The following SPTBN5 variants were observed in gnomAD, a reference collection of about 807,000 sequenced individuals.
SPTBN5 encodes spectrin beta, non-erythrocytic 5, also known as spectrin beta chain, non-erythrocytic 5.
A neutral mutation model predicts 477.6 loss-of-function variants in SPTBN5; 513 were observed. The ratio of observed to expected loss-of-function variants is 1.07; its 90% CI spans 1.00 to 1.16. The LOEUF is 1.16. SPTBN5 is among the 50% of genes most tolerant of loss of function. The probability of loss-of-function intolerance (pLI) is 0.00; values close to 1 mark genes in which losing one functional copy is unlikely to be tolerated. For synonymous variants in SPTBN5, 2,169 were observed against 2,011.7 expected (o/e 1.08, Z -2.09); for missense variants, 5,062 against 4,731.8 (o/e 1.07, Z -2.05).
At chr15:41,856,787 T>G in intron 52 of SPTBN5, 66 bp downstream of exon 52, 1 of 1,463,070 alleles carries the variant, frequency 6.8e-7, no homozygotes, top group African/African-American at 1.4e-5. Flanking sequence ...CCACAGAGAG[T>G]GCCATTTCCT....
Position 41,858,694 on chromosome 15 carries a change from C to T in SPTBN5, c.8134G>A (p.Asp2712Asn), listed in dbSNP as rs1010862673. ...NLVALEEGLL[D>N]TAMLPAQLQK... ...AACTGTGCTGGCAGCATGGCTGTGT[C>T]CAGCAAACCCTCCTCCAAGGCCACC... Residue 2712 changes from aspartate to asparagine, a missense_variant, in exon 49 of 68, where the codon GAC (aspartate) becomes AAC (asparagine). Physicochemically the swap from Asp to Asn is conservative, Grantham distance 23 (BLOSUM62 1). Transcript: ENST00000320955. 2 of 1,609,776 alleles carry T rather than the reference C, an allele frequency of 1.2e-6. No homozygotes were observed. The highest frequency in any genetic ancestry group is 1.7e-6 in the Non-Finnish European group (2 of 1,178,722).
At chr15:41,886,505 A>AC in intron 6 of SPTBN5, 139 bp from the exon 7 acceptor site, 1 of 976,214 alleles carries the variant, frequency 1.0e-6, no homozygotes, top group Non-Finnish European at 1.5e-6. Context: ...TGGTACCCCC[A>AC]CCCCAGAGAA....
At position 41,848,318 on chromosome 15, in the gene SPTBN5, C is replaced by A; in HGVS notation, c.*298G>T. On this transcript the variant is annotated 3_prime_UTR_variant, in exon 68 of 68. Transcript: ENST00000320955. ...TGTGCTCAGAGTCACCCCTTCCAAG[C>A]AAGGAGGAGGCCACATGGGCCTGGG... 2 of 540,138 alleles carry A rather than the reference C, an allele frequency of 3.7e-6. No individual in the cohort carries two copies. Among genetic ancestry groups the A allele is most frequent in the Non-Finnish European group, 3.3e-6 (1 of 299,232 alleles). 33.5% of individuals were successfully genotyped at this position (540,138 alleles called of 1,614,324 possible).
At position 41,854,199 on chromosome 15, in the gene SPTBN5, C is replaced by T; in HGVS notation, c.9625G>A (p.Ala3209Thr). The change falls in exon 57 of 68, where the codon GCT becomes ACT. Residue 3209 changes from alanine to threonine, a missense_variant. Transcript: ENST00000320955. ...AAGCTGTGGACCTCATGGGCTGCAG[C>T]CAAGTTCTGGGAGAGGAGAAAGGAC... Reference protein sequence around the residue: ...QAIKARTENLAAAHEVHSFQQ... With the variant: ...QAIKARTENLTAAHEVHSFQQ... 2 of 1,596,392 alleles carry T rather than the reference C, an allele frequency of 1.3e-6. No individual in the cohort carries two copies. Among genetic ancestry groups the T allele is most frequent in the Non-Finnish European group, 1.7e-6 (2 of 1,171,720 alleles).
rs759651408 is a variant in SPTBN5 at position 41,872,381 on chromosome 15, C to A, written c.5086G>T (p.Glu1696Ter). Reference sequence around the variant, plus strand: ...ACCACACGCTGCTGCTCAGGGACTTCGGGGCCAGTGAGGGTTTGGGCCGTC... The same window carrying A: ...ACCACACGCTGCTGCTCAGGGACTTAGGGGCCAGTGAGGGTTTGGGCCGTC... The part of the protein sequence containing the change: ...DQTAQTLTGP[E>*]VPEQQRVVQE... The change falls in exon 27 of 68, where the codon GAA becomes TAA. Residue 1696 changes from glutamate (E) to a stop codon, truncating the protein, a stop_gained. Transcript: ENST00000320955. LOFTEE classifies it high-confidence loss of function. The A allele has an allele frequency of 6.2e-7, 1 of 1,609,536 alleles. No individual in the cohort carries two copies. Among genetic ancestry groups the A allele is most frequent in the Non-Finnish European group, 8.5e-7 (1 of 1,178,620 alleles).
chr15:41,857,776 A>T (rs1202058706), intron 49 of SPTBN5, 66 bp from the exon 50 acceptor site: 2 of 1,500,558 alleles, frequency 1.3e-6, no homozygotes. Flanking sequence ...ACTTGTGTTG[A>T]CTCTGACCAC....
chr15:41,890,175 T>A lies in SPTBN5; in HGVS notation c.415A>T (p.Ile139Phe). Reference sequence around the variant, plus strand: ...ATGAGTGTCTGGTCTCCGTCCACGATGTTCTCTGGCCCGATGAGTGGTACT... The same window carrying A: ...ATGAGTGTCTGGTCTCCGTCCACGAAGTTCTCTGGCCCGATGAGTGGTACT... ...VPVPLIGPEN[I>F]VDGDQTLILG... Residue 139 changes from isoleucine to phenylalanine, a missense_variant, in exon 4 of 68, where the codon ATC (isoleucine) becomes TTC (phenylalanine). Physicochemically the swap from Ile to Phe is conservative, Grantham distance 21 (BLOSUM62 0). Coordinates refer to ENST00000320955, the MANE Select transcript of SPTBN5 (RefSeq NM_016642.4). 1 of 1,613,090 alleles carries A rather than the reference T, an allele frequency of 6.2e-7. No homozygotes were observed.
chr15:41,850,992 G>T (rs957444396), intron 65 of SPTBN5, 53 bp from the exon 66 acceptor site: 28 of 1,588,830 alleles, frequency 1.8e-5, no homozygotes, highest in Admixed American at 1.8e-5. Flanking sequence ...GGACCCCCAC[G>T]CCTCCAGCCC....
intron 47 of SPTBN5, among the ~76,000 whole-genome samples, chr15:41,859,753 CAA>C (rs1253184562): frequency 6.6e-6 from 1 of 152,126 alleles, no homozygotes; most frequent in African/African-American, 2.4e-5. Context: ...ACCAGCAAAG[CAA>C]AGTTTGCATT....
intron 16 of SPTBN5, among the ~76,000 whole-genome samples, chr15:41,879,021 A>C (rs989961635): frequency 2.0e-5 from 3 of 152,138 alleles, no homozygotes; most frequent in African/African-American, 7.2e-5. Flanking sequence ...AGCCGAGATC[A>C]CGCCACTGCA....
In SPTBN5 at chr15:41,853,626, C is replaced by T. The variant is rs766450759; in HGVS notation, c.9936G>A (p.Gln3312=). The change falls in exon 58 of 68, where the codon CAG becomes CAA. Residue 3312 remains glutamine (Q), a synonymous_variant. Coordinates refer to ENST00000320955, the MANE Select transcript of SPTBN5 (RefSeq NM_016642.4). ...CGAGGAAGGCATGGCCCTGTGCAGC[C>T]TGCGCCAGCCACTGGCCTCGCTCCT... ...KAQERGQWLA[Q]AAQGHAFLGR... 1.9e-6 allele frequency: 3 copies of T among 1,592,206 alleles called. No homozygotes were observed. Among genetic ancestry groups the T allele is most frequent in the Non-Finnish European group, 2.6e-6 (3 of 1,170,056 alleles).
At chr15:41,867,472 A>AC (rs1175740066) in intron 35 of SPTBN5, 66 bp downstream of exon 35, 2 of 1,465,174 alleles carry the variant, frequency 1.4e-6, no homozygotes, top group African/African-American at 1.4e-5. Context: ...GCGCCCCGTG[A>AC]CCCCCTTCAG....
chr15:41,852,499 A>G (rs1221185609), intron 61 of SPTBN5, 135 bp downstream of exon 61: 5 of 1,295,824 alleles, frequency 3.9e-6, no homozygotes, highest in Non-Finnish European at 5.5e-6. Context: ...CTCTCCCACC[A>G]CCGCAGCTGG....
At chr15:41,880,453 G>T in intron 13 of SPTBN5, 141 bp from the exon 14 acceptor site, 1 of 877,626 alleles carries the variant, frequency 1.1e-6, no homozygotes, top group Non-Finnish European at 1.7e-6. Context: ...CTGCCTCACT[G>T]CTGGGCCCCA....
intron 7 of SPTBN5, 123 bp downstream of exon 7, chr15:41,885,612 T>A: frequency 8.2e-7 from 1 of 1,215,584 alleles, no homozygotes; most frequent in Non-Finnish European, 1.1e-6. Context: ...TGTAGAGGGA[T>A]CCCTGAACCC....
intron 4 of SPTBN5, among the ~76,000 whole-genome samples, 159 bp from the exon 5 acceptor site, chr15:41,888,244 C>T (rs574981364): frequency 1.3e-5 from 2 of 152,230 alleles, no homozygotes; most frequent in Non-Finnish European, 2.9e-5. Flanking sequence ...TGATTTTGCC[C>T]AATTTCATCC....
chr15:41,882,831 G>A (rs2067018845), intron 9 of SPTBN5, 93 bp from the exon 10 acceptor site: 1 of 1,471,788 alleles, frequency 6.8e-7, no homozygotes, highest in Admixed American at 2.3e-5. Context: ...CCTTAGACAG[G>A]ATTTTTCTTT....
intron 49 of SPTBN5, among the ~76,000 whole-genome samples, chr15:41,858,211 T>C (rs1394687173): frequency 6.6e-6 from 1 of 152,178 alleles, no homozygotes; most frequent in Admixed American, 6.5e-5. Context: ...GCTGGGAAGA[T>C]CACTTGAGCC....
rs1207225281 is a variant in SPTBN5, at chr15:41,852,640, C to G, written c.10443G>C (p.Lys3481Asn). Residue 3481 changes from lysine (K) to asparagine (N), a missense_variant, in exon 61 of 68, where the codon AAG becomes AAC. Physicochemically the swap from Lys to Asn is moderately conservative, Grantham distance 94. Transcript: ENST00000320955. ...AQEEKFAQMQ[K>N]TEMEQELLLQ... is the part of the protein sequence containing the mutation. ...TAGCCGAGGCAGTCGTCACCTCTGT[C>G]TTTTGCATTTGGGCAAACTTCTCTT... 1.9e-6 allele frequency: 3 copies of G among 1,613,466 alleles called. No individual in the cohort carries two copies.
Sources: allele counts gnomAD v4.1 joint callset (sites outside exome capture counted in the v4.1 genomes callset), GRCh38; gene constraint gnomAD v4.1.1; transcripts MANE v1.5; gene names NCBI Gene and HGNC (gene_info 2026-07-23, HGNC 2026-07-21).